NFATC1: variants seen among roughly 807,000 people sequenced by gnomAD.
The protein encoded by NFATC1 is nuclear factor of activated T cells 1, also known as nuclear factor of activated T-cells, cytoplasmic 1.
A neutral mutation model predicts 76.0 loss-of-function variants in NFATC1; 22 were observed. The ratio of observed to expected loss-of-function variants is 0.29; its 90% CI spans 0.21 to 0.41. The LOEUF is 0.41. Among genes scored for constraint, NFATC1 ranks in the 10% least tolerant of loss-of-function variants. NFATC1 has a pLI of 1.00. For synonymous variants in NFATC1, 704 were observed against 613.1 expected (o/e 1.15, Z -2.19); for missense variants, 1,357 against 1,337.7 (o/e 1.01, Z -0.23).
At chr18:79,414,781 C>T (rs1467311387) in intron 2 of NFATC1, among the ~76,000 whole-genome samples, 1 of 152,116 alleles carries the variant, frequency 6.6e-6, no homozygotes, top group African/African-American at 2.4e-5. Context: ...TGCTTCTTTC[C>T]AGGGGTAATG....
intron 6 of NFATC1, among the ~76,000 whole-genome samples, chr18:79,454,010 T>G (rs1306015759): frequency 6.6e-6 from 1 of 152,230 alleles, no homozygotes; most frequent in East Asian, 1.9e-4. Flanking sequence ...TGAATTTAAA[T>G]TAAAAACACA....
intron 2 of NFATC1, among the ~76,000 whole-genome samples, chr18:79,428,049 A>G (rs971112225): frequency 2.8e-5 from 3 of 107,526 alleles, no homozygotes; most frequent in African/African-American, 1.1e-4. Flanking sequence ...CAGGCGCTGG[A>G]TGACTGGCCT....
chr18:79,488,619 G>A (rs1344205370), intron 9 of NFATC1, among the ~76,000 whole-genome samples: 3 of 152,170 alleles, frequency 2.0e-5, no homozygotes, highest in Non-Finnish European at 4.4e-5. Flanking sequence ...CCGGAGCTCC[G>A]CATGGGGCCC....
intron 3 of NFATC1, among the ~76,000 whole-genome samples, chr18:79,443,117 C>T (rs776099330): frequency 4.7e-4 from 71 of 152,222 alleles, no homozygotes; most frequent in Non-Finnish European, 7.9e-4. Context: ...CGGCGAGTCC[C>T]TCTAGATTTG....
At chr18:79,514,510 G>T (rs938966141) in intron 9 of NFATC1, among the ~76,000 whole-genome samples, 39 of 137,542 alleles carry the variant, frequency 2.8e-4, no homozygotes, top group African/African-American at 8.6e-4. Flanking sequence ...AGGCTGCAGT[G>T]AGCTGTGATC....
chr18:79,473,811 C>G (rs2088895364), intron 8 of NFATC1, among the ~76,000 whole-genome samples: 1 of 148,818 alleles, frequency 6.7e-6, no homozygotes, highest in Admixed American at 6.7e-5. Flanking sequence ...CTCACGCTCA[C>G]TGTTGACGTA....
chr18:79,477,977 C>G (rs1045772586), intron 8 of NFATC1, among the ~76,000 whole-genome samples: 2 of 152,122 alleles, frequency 1.3e-5, no homozygotes, highest in Non-Finnish European at 2.9e-5. Flanking sequence ...GTCACGCGGA[C>G]GGGGGTTAGG....
intron 8 of NFATC1, among the ~76,000 whole-genome samples, chr18:79,482,897 G>T (rs1198874406): frequency 7.2e-6 from 1 of 138,676 alleles, no homozygotes; most frequent in Non-Finnish European, 1.5e-5. Context: ...TCTCATTCCA[G>T]CGTGACCTGG....
Position 79,396,211 on chromosome 18 carries a change from C to T in NFATC1, c.-14C>T. The T allele has an allele frequency of 3.4e-6, 5 of 1,479,706 alleles. No individual in the cohort carries two copies. The South Asian group carries it at 5.0e-5, about 15-fold the overall frequency. 91.7% of individuals were successfully genotyped at this position (1,479,706 alleles called of 1,614,324 possible). ...CCTCCGCCCGCCGCTCCACTCCCCG[C>T]CGCCGCCGCGCGGATGCCAAGCACC... On this transcript the variant is annotated 5_prime_UTR_variant, in exon 1 of 10. Transcript: ENST00000427363.
intron 6 of NFATC1, among the ~76,000 whole-genome samples, chr18:79,453,233 G>T (rs943918653): frequency 6.6e-6 from 1 of 152,248 alleles, no homozygotes; most frequent in African/African-American, 2.4e-5. Flanking sequence ...GGCCAGAACC[G>T]TGGCTCCCAG....
At position 79,467,533 on chromosome 18, in the gene NFATC1, G is replaced by A. The variant is rs2088574007; in HGVS notation, c.2043G>A (p.Gly681=). The A allele has an allele frequency of 6.2e-7, 1 of 1,614,050 alleles. No homozygotes were observed. The highest frequency in any genetic ancestry group is 8.5e-7 in the Non-Finnish European group (1 of 1,179,988). ...PVHVSFYVCN[G]KRKRSQYQRF... is the part of the protein sequence containing the mutation. Reference sequence around the variant, plus strand: ...ACGTCAGTTTCTACGTCTGCAACGGGAAGAGAAAGCGAAGCCAGTACCAGC... The same window carrying A: ...ACGTCAGTTTCTACGTCTGCAACGGAAAGAGAAAGCGAAGCCAGTACCAGC... The change falls in exon 8 of 10, where the codon GGG becomes GGA. Residue 681 remains glycine, a synonymous_variant. Coordinates refer to ENST00000427363, the MANE Select transcript of NFATC1 (RefSeq NM_001278669.2).
rs770178371 is a variant in NFATC1 at position 79,404,249 on chromosome 18, G to A, written c.128-6154G>A. Among the ~76,000 whole-genome samples, 19 of 152,338 alleles carry A rather than the reference G, an allele frequency of 1.2e-4. No individual in the cohort carries two copies. The East Asian group carries it at 1.5e-3, about 12-fold the overall frequency. ...GAAGGACCCTTATTAAGGCGTTGGCGTGCTTATTTATGGAACATTAAATAC... is the reference window on the plus strand; with the variant it reads ...GAAGGACCCTTATTAAGGCGTTGGCATGCTTATTTATGGAACATTAAATAC... On this transcript the variant is annotated intron_variant, in intron 1 of 9. Transcript: ENST00000427363.
At position 79,410,921 on chromosome 18, in the gene NFATC1, G is replaced by T; in HGVS notation, c.646G>T (p.Asp216Tyr). ...QSPCVSPKTT[D>Y]PEEGFPRGLG... The stretch of plus-strand genomic sequence containing the variant: ...TCCCTGCGTGTCTCCCAAGACCACG[G>T]ACCCCGAGGAGGGCTTTCCCCGCGG... The change falls in exon 2 of 10, where the codon GAC (aspartate) becomes TAC (tyrosine). Residue 216 changes from aspartate to tyrosine, a missense_variant. This residue lies in a region of NFATC1 where 691 missense variants were observed against 613.1 expected (regional missense o/e 1.13). Transcript: ENST00000427363. The surrounding 1 kb of genome is among the most constrained non-coding windows in gnomAD (Gnocchi z 6.7). The T allele has an allele frequency of 6.2e-7, 1 of 1,605,890 alleles. No individual in the cohort carries two copies.
chr18:79,447,833 A>G (rs2087279621), intron 3 of NFATC1, among the ~76,000 whole-genome samples: 1 of 152,376 alleles, frequency 6.6e-6, no homozygotes, highest in East Asian at 1.9e-4. Flanking sequence ...AAAATGACTC[A>G]CTGCTGAAGG....
intron 9 of NFATC1, among the ~76,000 whole-genome samples, chr18:79,512,916 G>A (rs759086646): frequency 1.3e-5 from 2 of 152,234 alleles, no homozygotes; most frequent in South Asian, 2.1e-4. Context: ...CTGCAGGGAC[G>A]TCCTGACCGT....
chr18:79,420,619 G>A (rs996291920), intron 2 of NFATC1, among the ~76,000 whole-genome samples: 1 of 151,680 alleles, frequency 6.6e-6, no homozygotes, highest in South Asian at 2.1e-4. Flanking sequence ...TCGCTGCAGA[G>A]GGGAAGAGGT....
chr18:79,464,697 TA>T lies in NFATC1; in HGVS notation c.1960-2752del, dbSNP rs1176167462. Among the ~76,000 whole-genome samples, 647 of 71,532 alleles carry T rather than the reference TA, an allele frequency of 9.0e-3. 45 individuals carry two copies. Among genetic ancestry groups the T allele is most frequent in the African/African-American group, 0.034 (560 of 16,494 alleles). 46.9% of individuals were successfully genotyped at this position (71,532 alleles called of 152,430 possible). A position where few individuals can be genotyped will look rare whatever the true frequency, so the allele number is the denominator to read the frequency against. The stretch of plus-strand genomic sequence containing the variant: ...ATATGTATGTGTATATATATATATT[TA>T]TTTATTTATTTATTTTTTTTTTTTT... On this transcript the variant is annotated intron_variant, in intron 7 of 9. Transcript: ENST00000427363.
chr18:79,445,240 G>C (rs35518441), intron 3 of NFATC1, among the ~76,000 whole-genome samples: 2,002 of 152,348 alleles, frequency 0.013, 51 homozygotes, highest in African/African-American at 0.046. Flanking sequence ...TGGGTCACGT[G>C]GGCCTGGGCT....
rs537525126 is a variant in NFATC1, at chr18:79,489,310, C to T, written c.2782+2373C>T. ...GATGGGTCTTGGGGAGGGGAGTGCA[C>T]AGACGACTCCCTGACACATGGAAGG... is the stretch of plus-strand genomic sequence containing the variant. On this transcript the variant is annotated intron_variant, in intron 9 of 9. Transcript: ENST00000427363. Among the ~76,000 whole-genome samples, 14 of 152,226 alleles carry T rather than the reference C, an allele frequency of 9.2e-5. 1 individual carries two copies. The highest frequency in any genetic ancestry group is 2.6e-4 in the African/African-American group (11 of 41,556).
Sources: gnomAD v4.1 joint callset for allele counts (sites outside exome capture counted in the v4.1 genomes callset) on GRCh38, gnomAD v4.1.1 for gene constraint, gnomAD v4.1.1 regional missense constraint, Gnocchi (gnomAD v3.1) non-coding constraint, MANE v1.5 for transcripts, NCBI Gene and HGNC (gene_info 2026-07-23, HGNC 2026-07-21) for gene names.